Variants in CDK5RAP2 observed in about 807,000 individuals in gnomAD.
CDK5RAP2 encodes CDK5 regulatory subunit associated protein 2.
A neutral mutation model predicts 232.9 loss-of-function variants in CDK5RAP2; 147 were observed. That is an observed-to-expected ratio of 0.63 (90% CI 0.55 to 0.72). The LOEUF is 0.72. Ranked by LOEUF, CDK5RAP2 falls within the 30% of genes least tolerant of loss-of-function variation. The probability of loss-of-function intolerance (pLI) is 0.00; values close to 1 mark genes in which losing one functional copy is unlikely to be tolerated. For synonymous variants in CDK5RAP2, 833 were observed against 833.7 expected, an observed-to-expected ratio of 1.00 and a Z score of 0.01; for missense variants, 2,195 against 2,231.5, an observed-to-expected ratio of 0.98 and a Z score of 0.33.
intron 15 of CDK5RAP2, among the ~76,000 whole-genome samples, chr9:120,472,832 T>G (rs996791883): frequency 7.9e-5 from 12 of 152,252 alleles, no homozygotes; most frequent in African/African-American, 1.9e-4. Context: ...ATATCTTCAC[T>G]GTCAACTACA....
At chr9:120,517,141 G>A (rs1035368701) in intron 12 of CDK5RAP2, among the ~76,000 whole-genome samples, 4 of 152,108 alleles carry the variant, frequency 2.6e-5, no homozygotes, top group Non-Finnish European at 5.9e-5. Context: ...GGAGCCCAGG[G>A]GCATCAGGAC....
At chr9:120,389,823 A>G (rs774711475) in intron 36 of CDK5RAP2, 36 bp from the exon 37 acceptor site, 90 of 1,597,310 alleles carry the variant, frequency 5.6e-5, no homozygotes, top group Admixed American at 8.3e-5. Flanking sequence ...GATTAGGGCC[A>G]TGGATATCCA....
chr9:120,407,480 T>C lies in CDK5RAP2; in HGVS notation c.4727-232A>G, dbSNP rs570636280. 3 of 567,604 alleles carry C rather than the reference T, an allele frequency of 5.3e-6. No individual in the cohort carries two copies. In the South Asian group the frequency reaches 6.1e-5, roughly 12 times the overall value. The allele number at this position is 567,604 out of a possible 1,614,324, so 35.2% of individuals were successfully genotyped here. A position where few individuals can be genotyped will look rare whatever the true frequency, so the allele number is the denominator to read the frequency against. On this transcript the variant is annotated intron_variant, in intron 31 of 37. Transcript: ENST00000349780. ...GGAAATTAATTTTCGCTTCTGGCCA[T>C]AAAAGCCTAGCAAATTGCACACCAA...
chr9:120,429,012 G>C (rs1588308587), intron 25 of CDK5RAP2, among the ~76,000 whole-genome samples: 1 of 152,152 alleles, frequency 6.6e-6, no homozygotes, highest in East Asian at 1.9e-4. Flanking sequence ...AAAACCACAT[G>C]ATTATCTCAA....
intron 16 of CDK5RAP2, among the ~76,000 whole-genome samples, chr9:120,470,680 T>C (rs977593333): frequency 3.3e-5 from 5 of 150,474 alleles, no homozygotes; most frequent in African/African-American, 4.9e-5. Context: ...AGAACCCTCA[T>C]GGGAAACAAG....
chr9:120,541,674 A>G (rs1363600723), intron 5 of CDK5RAP2, among the ~76,000 whole-genome samples: 1 of 152,248 alleles, frequency 6.6e-6, no homozygotes, highest in Non-Finnish European at 1.5e-5. Context: ...CTGGAGGCAG[A>G]GCGGCCGCTA....
chr9:120,393,194 C>T (rs1462307263), intron 36 of CDK5RAP2, among the ~76,000 whole-genome samples: 1 of 152,070 alleles, frequency 6.6e-6, no homozygotes. Flanking sequence ...CCTCTCAGGC[C>T]TCCTAGGATG....
chr9:120,471,580 C>A (rs979034558), intron 16 of CDK5RAP2, among the ~76,000 whole-genome samples, 168 bp downstream of exon 16: 2 of 152,170 alleles, frequency 1.3e-5, no homozygotes, highest in African/African-American at 4.8e-5. Flanking sequence ...ACTTACTGGG[C>A]TCTTCTACTA....
At chr9:120,516,047 C>G (rs1490545099) in intron 12 of CDK5RAP2, among the ~76,000 whole-genome samples, 7 of 152,150 alleles carry the variant, frequency 4.6e-5, no homozygotes, top group East Asian at 3.8e-4. Flanking sequence ...AATCATGCTG[C>G]TATAAAGACA....
intron 28 of CDK5RAP2, among the ~76,000 whole-genome samples, chr9:120,413,263 G>A (rs1290567786): frequency 6.6e-6 from 1 of 152,212 alleles, no homozygotes; most frequent in Non-Finnish European, 1.5e-5. Context: ...GATGCTAGGA[G>A]GCCATTCTTT....
intron 3 of CDK5RAP2, among the ~76,000 whole-genome samples, chr9:120,564,427 C>T (rs1424587905): frequency 1.3e-5 from 2 of 149,342 alleles, no homozygotes; most frequent in Admixed American, 6.7e-5. Flanking sequence ...GAGGCTGCGG[C>T]TGCAGTGAGC....
chr9:120,546,865 G>A (rs2041862047), intron 4 of CDK5RAP2, among the ~76,000 whole-genome samples: 1 of 152,112 alleles, frequency 6.6e-6, no homozygotes. Flanking sequence ...TTAAACTTCT[G>A]GCTTCAAATG....
intron 12 of CDK5RAP2, among the ~76,000 whole-genome samples, chr9:120,515,083 A>AGT (rs1236366162): frequency 3.3e-5 from 5 of 151,936 alleles, no homozygotes; most frequent in African/African-American, 4.8e-5. Flanking sequence ...AGAGAGACAG[A>AGT]GTGTGTGTGT....
intron 24 of CDK5RAP2, 130 bp downstream of exon 24, chr9:120,439,269 A>T: frequency 1.1e-6 from 1 of 878,476 alleles, no homozygotes; most frequent in Non-Finnish European, 1.9e-6. Flanking sequence ...GAACCCCACC[A>T]TCAAGCCTTC....
intron 12 of CDK5RAP2, among the ~76,000 whole-genome samples, chr9:120,507,921 AAAAAAAAAAAAAAAAAAAAAAATATAT>A (rs1043956459): frequency 1.9e-4 from 12 of 62,490 alleles, no homozygotes; most frequent in African/African-American, 5.9e-4. Flanking sequence ...AAAAAAAAAA[AAAAAAAAAAAAAAAAAAAAAAATATAT>A]ATATATATAT....
At position 120,513,973 on chromosome 9, in the gene CDK5RAP2, A is replaced by C. The variant is rs1187427736; in HGVS notation, c.1311+4454T>G. Among the ~76,000 whole-genome samples, 5 of 152,324 alleles carry C rather than the reference A, an allele frequency of 3.3e-5. No homozygotes were observed. In the East Asian group the frequency reaches 7.7e-4, roughly 24 times the overall value. ...TACATTTATCCTAGCACCATAATGC[A>C]AAGACACCACCCCACCATGTTTCCT... On this transcript the variant is annotated intron_variant, in intron 12 of 37. Coordinates refer to ENST00000349780, the MANE Select transcript of CDK5RAP2 (RefSeq NM_018249.6).
chr9:120,547,341 C>A (rs1011593663), intron 4 of CDK5RAP2, among the ~76,000 whole-genome samples: 4 of 152,036 alleles, frequency 2.6e-5, no homozygotes, highest in African/African-American at 9.7e-5. Context: ...CAGTGGTTCA[C>A]ACCTATAACC....
chr9:120,479,931 G>C (rs1316323569), intron 14 of CDK5RAP2, among the ~76,000 whole-genome samples: 1 of 152,102 alleles, frequency 6.6e-6, no homozygotes, highest in Non-Finnish European at 1.5e-5. Context: ...GAATGTTCCT[G>C]TTTACAAGAA....
At chr9:120,391,022 G>C (rs970475672) in intron 36 of CDK5RAP2, among the ~76,000 whole-genome samples, 1 of 152,122 alleles carries the variant, frequency 6.6e-6, no homozygotes, top group African/African-American at 2.4e-5. Context: ...CAAAGTTCCT[G>C]ACATGGGGCC....
Sources: allele counts gnomAD v4.1 joint callset (sites outside exome capture counted in the v4.1 genomes callset), GRCh38; gene constraint gnomAD v4.1.1; transcripts MANE v1.5; gene names NCBI Gene and HGNC (gene_info 2026-07-23, HGNC 2026-07-21).